Variants in CRTC1 observed in about 807,000 individuals in gnomAD.
The protein encoded by CRTC1 is CREB-regulated transcription coactivator 1.
A neutral mutation model predicts 66.1 loss-of-function variants in CRTC1; 18 were observed. The ratio of observed to expected loss-of-function variants is 0.27; its 90% CI spans 0.19 to 0.40. The LOEUF (loss-of-function observed/expected upper bound fraction) is 0.40, where lower values mean the gene tolerates loss of function less well. Ranked by LOEUF, CRTC1 falls within the 10% of genes least tolerant of loss-of-function variation. CRTC1 has a pLI of 1.00. For synonymous variants in CRTC1, 416 were observed against 398.8 expected (o/e 1.04, Z -0.51); for missense variants, 669 against 887.9 (o/e 0.75, Z 3.13).
At chr19:18,751,044 G>C (rs962205269) in intron 5 of CRTC1, among the ~76,000 whole-genome samples, 1 of 152,138 alleles carries the variant, frequency 6.6e-6, no homozygotes, top group Non-Finnish European at 1.5e-5. Flanking sequence ...TGGGGGCCTG[G>C]CAGGGACACA....
intron 1 of CRTC1, among the ~76,000 whole-genome samples, chr19:18,701,476 A>G (rs2053138438): frequency 6.6e-6 from 1 of 152,266 alleles, no homozygotes; most frequent in African/African-American, 2.4e-5. Flanking sequence ...TGAGAGCAGG[A>G]TCGCACCTTG....
intron 1 of CRTC1, among the ~76,000 whole-genome samples, chr19:18,733,222 C>T (rs537673582): frequency 6.6e-6 from 1 of 152,308 alleles, no homozygotes; most frequent in East Asian, 1.9e-4. Flanking sequence ...GCTGTGTCTC[C>T]CTGCTCTTAG....
intron 6 of CRTC1, among the ~76,000 whole-genome samples, chr19:18,754,037 GT>G (rs1478041176): frequency 6.6e-6 from 1 of 150,376 alleles, no homozygotes; most frequent in Non-Finnish European, 1.5e-5. Context: ...GGAGGCAGAG[GT>G]TGCACTGAGC....
intron 1 of CRTC1, among the ~76,000 whole-genome samples, chr19:18,727,309 C>T (rs972835697): frequency 6.6e-6 from 1 of 151,402 alleles, no homozygotes; most frequent in Non-Finnish European, 1.5e-5. Flanking sequence ...AGGTCAGGCA[C>T]GGTGGTTCAC....
chr19:18,714,911 C>T (rs2053472096), intron 1 of CRTC1, among the ~76,000 whole-genome samples: 1 of 152,272 alleles, frequency 6.6e-6, no homozygotes, highest in Admixed American at 6.5e-5. Context: ...CCTGCAGTTC[C>T]CAGCCTGGGC....
At chr19:18,772,574 G>A (rs1452286454) in intron 11 of CRTC1, among the ~76,000 whole-genome samples, 2 of 152,166 alleles carry the variant, frequency 1.3e-5, no homozygotes, top group African/African-American at 4.8e-5. Context: ...GCTGAGGTCG[G>A]GCTCCCTTGT....
In CRTC1 at chr19:18,779,385, G is replaced by A. The variant is rs940312799; in HGVS notation, c.*2003G>A. The A allele has an allele frequency of 8.8e-6, 2 of 226,540 alleles. No individual in the cohort carries two copies. Among genetic ancestry groups the A allele is most frequent in the South Asian group, 1.8e-4 (1 of 5,468 alleles). 14.0% of individuals were successfully genotyped at this position (226,540 alleles called of 1,614,324 possible). ...CCGTCTTGTTCCAAGGTGCGGGGGGGACACTGTTGGTCTGTCCAGGTCAAG... is the reference window on the plus strand; with the variant it reads ...CCGTCTTGTTCCAAGGTGCGGGGGGAACACTGTTGGTCTGTCCAGGTCAAG... On this transcript the variant is annotated 3_prime_UTR_variant, in exon 14 of 14. Transcript: ENST00000321949.
At position 18,768,228 on chromosome 19, in the gene CRTC1, T is replaced by G. The variant is rs547215899; in HGVS notation, c.1012-257T>G. The stretch of plus-strand genomic sequence containing the variant: ...GTGGACTGGCCTGAGCTGCACGGCA[T>G]GTAGTGCGGGTGCAGGCACAACAAG... On this transcript the variant is annotated intron_variant, in intron 9 of 13. Transcript: ENST00000321949. The surrounding 1 kb of genome is among the most constrained non-coding windows in gnomAD (Gnocchi z 5.6). 5.9e-5 allele frequency among the ~76,000 whole-genome samples: 9 copies of G among 152,184 alleles called. No homozygotes were observed. Among genetic ancestry groups the G allele is most frequent in the Non-Finnish European group, 1.2e-4 (8 of 68,002 alleles).
Position 18,777,737 on chromosome 19 carries a change from CA to C in CRTC1, c.*356del. On this transcript the variant is annotated 3_prime_UTR_variant, in exon 14 of 14. Coordinates refer to ENST00000321949, the MANE Select transcript of CRTC1 (RefSeq NM_015321.3). This position sits in a 1 kb window ranked among gnomAD's most constrained non-coding sequence, Gnocchi z 5.5. ...CAGCTCCCGGCGTGGCGGGCAGGCTCAGGGGAGGGGCGCGCATGGTCCGCCA... is the reference window on the plus strand; with the variant it reads ...CAGCTCCCGGCGTGGCGGGCAGGCTCGGGGAGGGGCGCGCATGGTCCGCCA... 8.4e-6 allele frequency: 3 copies of C among 358,488 alleles called. No homozygotes were observed. The highest frequency in any genetic ancestry group is 3.2e-5 in the South Asian group (1 of 31,078). 22.2% of individuals were successfully genotyped at this position (358,488 alleles called of 1,614,324 possible).
chr19:18,704,442 T>C (rs1183604201), intron 1 of CRTC1, among the ~76,000 whole-genome samples: 1 of 152,194 alleles, frequency 6.6e-6, no homozygotes, highest in African/African-American at 2.4e-5. Flanking sequence ...CCAGATGCGG[T>C]AGCTCTTGTC....
rs1001325470 is a variant in CRTC1, at chr19:18,779,577, G to T, written c.*2195G>T. ...AATTACAAGCAACCCGCCTGGATGC[G>T]GTTTTCAAAAGAAGGCATTGAGGAC... On this transcript the variant is annotated 3_prime_UTR_variant, in exon 14 of 14. Transcript: ENST00000321949. 1.4e-4 allele frequency: 30 copies of T among 219,918 alleles called. No individual in the cohort carries two copies. The highest frequency in any genetic ancestry group is 6.7e-4 in the African/African-American group (30 of 44,556). The allele number at this position is 219,918 out of a possible 1,614,324, so 13.6% of individuals were successfully genotyped here.
chr19:18,685,174 T>A (rs529028737), intron 1 of CRTC1, among the ~76,000 whole-genome samples: 1 of 152,126 alleles, frequency 6.6e-6, no homozygotes, highest in Non-Finnish European at 1.5e-5. Flanking sequence ...CTCTGAGAGA[T>A]TGTGACCTTA....
In CRTC1 at chr19:18,742,906, G is replaced by A. The variant is rs374969669; in HGVS notation, c.127-4G>A. 52 of 1,611,190 alleles carry A rather than the reference G, an allele frequency of 3.2e-5. No individual in the cohort carries two copies. The highest frequency in any genetic ancestry group is 4.5e-5 in the East Asian group (2 of 44,876). On this transcript the variant is annotated splice_region_variant and splice_polypyrimidine_tract_variant and intron_variant, in intron 1 of 13. Transcript: ENST00000321949. ...TCCCGCAGCTGCTGGCTTCTCTCTC[G>A]CAGCTCCAGCTCCAGAAATCCCAGT...
intron 1 of CRTC1, among the ~76,000 whole-genome samples, chr19:18,728,717 C>G (rs2053815438): frequency 6.6e-6 from 1 of 151,694 alleles, no homozygotes; most frequent in Admixed American, 6.6e-5. Flanking sequence ...GTTGGCCAGG[C>G]TGGTCTAGAA....
intron 2 of CRTC1, 69 bp from the exon 3 acceptor site, chr19:18,745,754 C>A: frequency 6.3e-7 from 1 of 1,595,868 alleles, no homozygotes; most frequent in Non-Finnish European, 8.6e-7. Flanking sequence ...CTGGGGCCAG[C>A]GCTGGGGCCA....
rs746738413 is a variant in CRTC1, at chr19:18,768,829, G to A, written c.1320+36G>A. On this transcript the variant is annotated intron_variant, in intron 10 of 13. Coordinates refer to ENST00000321949, the MANE Select transcript of CRTC1 (RefSeq NM_015321.3). The surrounding 1 kb of genome is among the most constrained non-coding windows in gnomAD (Gnocchi z 5.6). ...GGTGGGGTCCCTCGGGGCCTGACTG[G>A]GGGTCTTGTAGAGGACAGCCCGGGG... 9.3e-5 allele frequency: 146 copies of A among 1,563,938 alleles called. No homozygotes were observed. The highest frequency in any genetic ancestry group is 1.2e-4 in the Non-Finnish European group (144 of 1,155,690).
intron 1 of CRTC1, among the ~76,000 whole-genome samples, chr19:18,737,265 G>C (rs182090138): frequency 1.3e-5 from 2 of 148,402 alleles, no homozygotes; most frequent in Non-Finnish European, 3.0e-5. Context: ...AGGTGGGGGG[G>C]TAGGACTTTG....
chr19:18,707,717 G>A (rs77697529), intron 1 of CRTC1, among the ~76,000 whole-genome samples: 15,855 of 152,162 alleles, frequency 0.1, 1,046 homozygotes, highest in East Asian at 0.26. Context: ...AGTTGTGGCC[G>A]GGCACAGTGG....
intron 1 of CRTC1, among the ~76,000 whole-genome samples, chr19:18,704,308 A>G (rs958425192): frequency 2.6e-5 from 4 of 151,984 alleles, no homozygotes; most frequent in Non-Finnish European, 5.9e-5. Context: ...GGGTCTTGCC[A>G]TGTTGCCCAG....
Sources: allele counts gnomAD v4.1 joint callset (sites outside exome capture counted in the v4.1 genomes callset), GRCh38; gene constraint gnomAD v4.1.1; non-coding constraint Gnocchi (gnomAD v3.1); transcripts MANE v1.5; gene names NCBI Gene and HGNC (gene_info 2026-07-23, HGNC 2026-07-21).